ERAP1: variants seen among roughly 807,000 people sequenced by gnomAD.
ERAP1 encodes endoplasmic reticulum aminopeptidase 1, also known as adipocyte-derived leucine aminopeptidase.
ERAP1 carries 86 observed loss-of-function variants against 103.7 expected under a neutral mutation model. That is an observed-to-expected ratio of 0.83 (90% CI 0.70 to 0.99). The LOEUF is 0.99. ERAP1 is among the 50% of genes least tolerant of loss of function. The pLI is 0.00. For missense variants in ERAP1, 1,009 were observed against 1,128.4 expected (o/e 0.89, Z 1.52); for synonymous variants, 398 against 402.4 (o/e 0.99, Z 0.13).
chr5:96,902,261 C>T, the ERAP1 span: 2 of 1,566,850 alleles, frequency 1.3e-6, no homozygotes, highest in Non-Finnish European at 1.8e-6. Context: ...ACTATCTTTA[C>T]TCTCTGTCAT....
At chr5:96,849,868 G>A in the ERAP1 span, among the ~76,000 whole-genome samples, 1 of 152,098 alleles carries the variant, frequency 6.6e-6, no homozygotes, top group African/African-American at 2.4e-5. Flanking sequence ...ATATTACAAA[G>A]CTAGAGTAAT....
intron 19 of ERAP1, chr5:96,768,148 A>G: frequency 1.5e-6 from 1 of 666,078 alleles, no homozygotes. Flanking sequence ...CAGTGGTGTG[A>G]TCTCAGCTTA....
the ERAP1 span, among the ~76,000 whole-genome samples, chr5:96,822,016 G>A: frequency 6.6e-6 from 1 of 152,150 alleles, no homozygotes; most frequent in Non-Finnish European, 1.5e-5. Context: ...TCCCAAGTGT[G>A]ATTATTGTCT....
the ERAP1 span, among the ~76,000 whole-genome samples, chr5:96,873,000 C>G: frequency 7.9e-5 from 12 of 152,092 alleles, no homozygotes; most frequent in East Asian, 2.3e-3. Context: ...GACAGGCTGA[C>G]CAACATGGTG....
chr5:96,839,888 A>G, the ERAP1 span, among the ~76,000 whole-genome samples: 7 of 152,314 alleles, frequency 4.6e-5, no homozygotes, highest in Middle Eastern at 3.4e-3. Flanking sequence ...CTGAGTTCCC[A>G]GAATATTTCT....
At chr5:96,896,234 A>C in the ERAP1 span, 2 of 636,068 alleles carry the variant, frequency 3.1e-6, no homozygotes, top group Non-Finnish European at 5.2e-6. Context: ...AGGGGAATAC[A>C]TACAAGAAAA....
chr5:96,891,857 G>C, the ERAP1 span, among the ~76,000 whole-genome samples: 1 of 151,984 alleles, frequency 6.6e-6, no homozygotes, highest in Admixed American at 6.6e-5. Flanking sequence ...TTAAAATCAT[G>C]CATCTTTTTG....
chr5:96,902,265 C>G, the ERAP1 span: 219 of 1,574,962 alleles, frequency 1.4e-4, 1 homozygote, highest in South Asian at 2.4e-3. Context: ...TCTTTACTCT[C>G]TGTCATAGGT....
chr5:96,865,037 T>C, the ERAP1 span, among the ~76,000 whole-genome samples: 1 of 152,190 alleles, frequency 6.6e-6, no homozygotes. Flanking sequence ...TTAACTTTTG[T>C]ATGCATTCTT....
At chr5:96,906,570 G>C in the ERAP1 span, among the ~76,000 whole-genome samples, 1 of 152,208 alleles carries the variant, frequency 6.6e-6, no homozygotes, top group African/African-American at 2.4e-5. Flanking sequence ...ACCCAGAATG[G>C]AGAGAGAATT....
At chr5:96,765,283 G>T in intron 19 of ERAP1, 1 of 1,568,638 alleles carries the variant, frequency 6.4e-7, no homozygotes, top group South Asian at 1.1e-5. Context: ...GACAAAGGCA[G>T]CCTGACCCAG....
At chr5:96,762,399 T>C (rs758857532) in exon 20 of ERAP1, 5 of 1,508,304 alleles carry the variant, frequency 3.3e-6, no homozygotes, top group Non-Finnish European at 4.5e-6. Flanking sequence ...ATTTGGGAGA[T>C]AAATGTTTTT....
At position 96,776,451 on chromosome 5, in the gene ERAP1, T is replaced by G; in HGVS notation, c.2771A>C (p.Lys924Thr). 1 of 1,614,084 alleles carries G rather than the reference T, an allele frequency of 6.2e-7. No homozygotes were observed. Among genetic ancestry groups the G allele is most frequent in the Non-Finnish European group, 8.5e-7 (1 of 1,180,018 alleles). ...CCACACTCTGATTTTATCAAAATTC[T>G]TATCCATCCAACCGATGTTTTCTTC... ...TIEENIGWMD[K>T]NFDKIRVWLQ... Residue 924 changes from lysine to threonine, a missense_variant, in exon 19 of 19, where the codon AAG (lysine) becomes ACG (threonine). Transcript: ENST00000443439.
the ERAP1 span, among the ~76,000 whole-genome samples, chr5:96,830,101 G>T: frequency 6.6e-6 from 1 of 152,166 alleles, no homozygotes; most frequent in Non-Finnish European, 1.5e-5. Flanking sequence ...TCAGAGGTAG[G>T]GAGGGACCCT....
At chr5:96,895,462 T>C in the ERAP1 span, 4 of 852,012 alleles carry the variant, frequency 4.7e-6, no homozygotes, top group African/African-American at 5.2e-5. Context: ...CATAATGTTG[T>C]GGTTTTTGAA....
At chr5:96,822,602 ATGGTGGCTCATGCC>A in the ERAP1 span, among the ~76,000 whole-genome samples, 1 of 152,168 alleles carries the variant, frequency 6.6e-6, no homozygotes, top group African/African-American at 2.4e-5. Flanking sequence ...TTGGCCAGGC[ATGGTGGCTCATGCC>A]TGTAATTTCA....
the ERAP1 span, among the ~76,000 whole-genome samples, chr5:96,850,407 C>G: frequency 6.6e-6 from 1 of 152,008 alleles, no homozygotes; most frequent in Admixed American, 6.6e-5. Flanking sequence ...AAACAAATAA[C>G]CCTACTAAAA....
the ERAP1 span, chr5:96,892,499 A>G: frequency 6.2e-7 from 1 of 1,605,358 alleles, no homozygotes; most frequent in Non-Finnish European, 8.5e-7. Flanking sequence ...TCAAAATAAC[A>G]TTATATAGAA....
At chr5:96,903,359 C>T in the ERAP1 span, 1 of 1,584,274 alleles carries the variant, frequency 6.3e-7, no homozygotes, top group Non-Finnish European at 8.6e-7. Flanking sequence ...AATGCCTATG[C>T]CAATCTTATC....
Sources: gnomAD v4.1 joint callset for allele counts (sites outside exome capture counted in the v4.1 genomes callset) on GRCh38, gnomAD v4.1.1 for gene constraint, MANE v1.5 for transcripts, NCBI Gene and HGNC (gene_info 2026-07-23, HGNC 2026-07-21) for gene names.